The following SOX13 variants were observed in gnomAD, a reference collection of about 807,000 sequenced individuals.
SOX13 encodes SRY-box transcription factor 13.
In SOX13, 28 loss-of-function variants were observed where a neutral mutation model predicts 71.8. The ratio of observed to expected loss-of-function variants is 0.39; its 90% CI spans 0.29 to 0.53. The LOEUF (loss-of-function observed/expected upper bound fraction) is 0.53, where lower values mean the gene tolerates loss of function less well. Among genes scored for constraint, SOX13 ranks in the 20% least tolerant of loss-of-function variants. The probability of loss-of-function intolerance (pLI) is 0.70; values close to 1 mark genes in which losing one functional copy is unlikely to be tolerated. For missense variants in SOX13, 627 were observed against 810.3 expected (o/e 0.77, Z 2.75); for synonymous variants, 309 against 317.8 (o/e 0.97, Z 0.29).
At position 204,114,546 on chromosome 1, in the gene SOX13, C is replaced by G. The variant is rs1450869990; in HGVS notation, c.359C>G (p.Ser120Cys). 1 of 1,613,808 alleles carries G rather than the reference C, an allele frequency of 6.2e-7. No individual in the cohort carries two copies. The highest frequency in any genetic ancestry group is 1.1e-5 in the South Asian group (1 of 91,074). The part of the protein sequence containing the change: ...EVVPAIEKLL[S>C]SDWKERFLGR... The stretch of plus-strand genomic sequence containing the variant: ...GTGCCAGCCATAGAGAAGCTGTTGT[C>G]CAGTGACTGGAAGGAGAGGTTTCTA... Residue 120 changes from serine to cysteine, a missense_variant, in exon 4 of 14, where the codon TCC becomes TGC. Physicochemically the swap from Ser to Cys is moderately radical, Grantham distance 112 (BLOSUM62 -1). Around this residue, in one of 3 missense-constraint regions of SOX13, gnomAD observed 447 missense variants for 532.2 expected, o/e 0.84. Transcript: ENST00000367204.
intron 7 of SOX13, among the ~76,000 whole-genome samples, chr1:204,121,182 G>A (rs1441889002): frequency 6.6e-6 from 1 of 152,026 alleles, no homozygotes; most frequent in Non-Finnish European, 1.5e-5. Context: ...GTTTCACCAT[G>A]TTGGTCATGC....
At chr1:204,122,798 G>A in intron 9 of SOX13, 56 bp from the exon 10 acceptor site, 9 of 1,129,694 alleles carry the variant, frequency 8.0e-6, no homozygotes, top group Non-Finnish European at 1.1e-5. Flanking sequence ...CTCATGCTGG[G>A]CTGATGCCCT....
At chr1:204,095,188 A>C (rs557869179) in intron 1 of SOX13, among the ~76,000 whole-genome samples, 68 of 152,204 alleles carry the variant, frequency 4.5e-4, no homozygotes, top group Non-Finnish European at 9.1e-4. Context: ...GCGTCAGTTC[A>C]GTTGCCTTGA....
At chr1:204,094,129 G>A (rs1039999122) in intron 1 of SOX13, among the ~76,000 whole-genome samples, 1 of 152,168 alleles carries the variant, frequency 6.6e-6, no homozygotes, top group East Asian at 1.9e-4. Context: ...TGTGTAAAGG[G>A]TGTTGACATT....
intron 1 of SOX13, chr1:204,074,422 G>C (rs903723011): frequency 2.1e-5 from 3 of 145,684 alleles, no homozygotes; most frequent in Non-Finnish European, 4.5e-5. Flanking sequence ...CGCTGCAAAC[G>C]CTGATCGCGC....
chr1:204,097,687 C>A (rs1182263187), intron 1 of SOX13, among the ~76,000 whole-genome samples: 2 of 142,334 alleles, frequency 1.4e-5, no homozygotes, highest in Non-Finnish European at 3.0e-5. Flanking sequence ...AAGCGAAACT[C>A]CGTCTCAAAA....
chr1:204,089,941 G>A (rs1012284171), intron 1 of SOX13, among the ~76,000 whole-genome samples: 19 of 152,204 alleles, frequency 1.2e-4, no homozygotes, highest in African/African-American at 4.6e-4. Flanking sequence ...CCAGCATTGC[G>A]TAGAGGGCCA....
chr1:204,114,193 T>C, intron 2 of SOX13, 128 bp from the exon 3 acceptor site: 1 of 615,630 alleles, frequency 1.6e-6, no homozygotes. Context: ...AGGGACCTAG[T>C]GAGTGGAGAA....
At position 204,084,798 on chromosome 1, in the gene SOX13, G is replaced by C. The variant is rs80276464; in HGVS notation, c.-2+11087G>C. Among the ~76,000 whole-genome samples, 10 of 151,914 alleles carry C rather than the reference G, an allele frequency of 6.6e-5. No individual in the cohort carries two copies. The East Asian group carries it at 1.6e-3, about 24-fold the overall frequency. On this transcript the variant is annotated intron_variant, in intron 1 of 13. Coordinates refer to ENST00000367204, the MANE Select transcript of SOX13 (RefSeq NM_005686.3). ...ACCCCCTTGCCTCTCAGGGTTTGTTGTTGCTTGAGACAGAGGTGAGACTAG... is the reference window on the plus strand; with the variant it reads ...ACCCCCTTGCCTCTCAGGGTTTGTTCTTGCTTGAGACAGAGGTGAGACTAG...
intron 1 of SOX13, among the ~76,000 whole-genome samples, chr1:204,093,510 G>T (rs1297271331): frequency 6.6e-6 from 1 of 152,234 alleles, no homozygotes; most frequent in Admixed American, 6.5e-5. Flanking sequence ...GGAAGTGAAG[G>T]CGGTGGCATG....
chr1:204,107,616 G>A (rs1182935958), intron 1 of SOX13, among the ~76,000 whole-genome samples: 2 of 152,136 alleles, frequency 1.3e-5, no homozygotes. Context: ...GACAGGGCAG[G>A]GAAAGCAGCT....
chr1:204,091,600 A>G (rs772402289), intron 1 of SOX13, among the ~76,000 whole-genome samples: 12 of 152,168 alleles, frequency 7.9e-5, no homozygotes, highest in Non-Finnish European at 1.8e-4. Flanking sequence ...CCTCTTTCCC[A>G]TCTCTGTAGC....
intron 1 of SOX13, among the ~76,000 whole-genome samples, chr1:204,075,924 T>C (rs1380694478): frequency 6.6e-6 from 1 of 152,206 alleles, no homozygotes; most frequent in Non-Finnish European, 1.5e-5. Flanking sequence ...CACTTGGTGA[T>C]TGTGCTCAAC....
At chr1:204,120,860 G>A (rs1350327440) in intron 7 of SOX13, among the ~76,000 whole-genome samples, 1 of 152,196 alleles carries the variant, frequency 6.6e-6, no homozygotes, top group Non-Finnish European at 1.5e-5. Flanking sequence ...ATGTCGAGAA[G>A]AAGGAAAGGC....
In SOX13 at chr1:204,124,834, T is replaced by C. The variant is rs778594851; in HGVS notation, c.1569T>C (p.Asp523=). ...CCCTGATGAGGACCCGGCGTCAGGATGCCCGCCAGAGCTACGTGATCCCGT... is the reference window on the plus strand; with the variant it reads ...CCCTGATGAGGACCCGGCGTCAGGACGCCCGCCAGAGCTACGTGATCCCGT... ...YKALMRTRRQ[D]ARQSYVIPPQ... is the part of the protein sequence containing the mutation. The change falls in exon 13 of 14, where the codon GAT becomes GAC. Residue 523 remains aspartate (D), a synonymous_variant. Coordinates refer to ENST00000367204, the MANE Select transcript of SOX13 (RefSeq NM_005686.3). The C allele has an allele frequency of 1.9e-6, 3 of 1,575,828 alleles. No homozygotes were observed. The Middle Eastern group carries it at 5.1e-4, about 269-fold the overall frequency.
At chr1:204,109,086 C>T (rs1282424328) in intron 1 of SOX13, among the ~76,000 whole-genome samples, 2 of 152,236 alleles carry the variant, frequency 1.3e-5, no homozygotes, top group African/African-American at 4.8e-5. Context: ...TTTCTGGACG[C>T]TCTCCAAGCC....
intron 1 of SOX13, among the ~76,000 whole-genome samples, chr1:204,085,394 G>A (rs1655995713): frequency 6.6e-6 from 1 of 152,168 alleles, no homozygotes; most frequent in Non-Finnish European, 1.5e-5. Context: ...TATAGTAAGG[G>A]CCATTTAAAA....
rs1467992537 is a variant in SOX13, at chr1:204,126,645, T to C, written c.*511T>C. 2 of 176,206 alleles carry C rather than the reference T, an allele frequency of 1.1e-5. No homozygotes were observed. Among genetic ancestry groups the C allele is most frequent in the Admixed American group, 1.1e-4 (2 of 18,212 alleles). The allele number at this position is 176,206 out of a possible 1,614,324, so 10.9% of individuals were successfully genotyped here. ...TCATCTCTGCCAAGCCTATTGTGCC[T>C]CTGGCTGCTGTATGTGTGCGCGTGC... On this transcript the variant is annotated 3_prime_UTR_variant, in exon 14 of 14. Transcript: ENST00000367204.
At chr1:204,097,878 AT>A (rs1236718088) in intron 1 of SOX13, among the ~76,000 whole-genome samples, 8 of 152,074 alleles carry the variant, frequency 5.3e-5, no homozygotes, top group African/African-American at 1.9e-4. Context: ...ATTTAAATTT[AT>A]TTTTTGAGAT....
Sources: gnomAD v4.1 joint callset for allele counts (sites outside exome capture counted in the v4.1 genomes callset) on GRCh38, gnomAD v4.1.1 for gene constraint, gnomAD v4.1.1 regional missense constraint, MANE v1.5 for transcripts, NCBI Gene and HGNC (gene_info 2026-07-23, HGNC 2026-07-21) for gene names.